Variants in HEMK2 observed in about 807,000 individuals in gnomAD.
The protein encoded by HEMK2 is HemK methyltransferase 2, ETF1 glutamine and histone H4 lysine.
chr21:28,857,124 C>A, the HEMK2 span, among the ~76,000 whole-genome samples: 2 of 152,106 alleles, frequency 1.3e-5, no homozygotes, highest in Non-Finnish European at 2.9e-5. Context: ...TATAGTTTCC[C>A]TTTTAAATTT....
the HEMK2 span, among the ~76,000 whole-genome samples, chr21:28,631,457 C>T: frequency 6.6e-6 from 1 of 152,114 alleles, no homozygotes; most frequent in Non-Finnish European, 1.5e-5. Context: ...ATATTCTAAA[C>T]CCCACCCTAA....
the HEMK2 span, among the ~76,000 whole-genome samples, chr21:28,641,279 G>GGAAGAGTAAT: frequency 6.6e-5 from 10 of 152,322 alleles, no homozygotes; most frequent in African/African-American, 2.4e-4. Context: ...GAAGAAGTCA[G>GGAAGAGTAAT]GAAGAGTAAT....
chr21:28,640,858 T>G, the HEMK2 span, among the ~76,000 whole-genome samples: 761 of 152,336 alleles, frequency 5.0e-3, 6 homozygotes, highest in African/African-American at 0.017. Context: ...CTAACTCTGG[T>G]CTGCCCTGCA....
the HEMK2 span, chr21:28,671,171 T>G: frequency 6.6e-6 from 1 of 152,206 alleles, no homozygotes; most frequent in Non-Finnish European, 1.5e-5. Context: ...CTTTGGATCT[T>G]GCCTGTGATC....
At chr21:28,755,057 C>G in the HEMK2 span, among the ~76,000 whole-genome samples, 1 of 152,098 alleles carries the variant, frequency 6.6e-6, no homozygotes, top group Non-Finnish European at 1.5e-5. Flanking sequence ...GAGGAGTGCT[C>G]TAGGCAAAGG....
At chr21:28,756,534 A>C in the HEMK2 span, among the ~76,000 whole-genome samples, 1 of 152,146 alleles carries the variant, frequency 6.6e-6, no homozygotes, top group South Asian at 2.1e-4. Flanking sequence ...ATTATAAAAC[A>C]CATTAAATAT....
chr21:28,652,430 TCCTCCCTTCCTTCCTTCCTTCCTC>T, the HEMK2 span, among the ~76,000 whole-genome samples: 1 of 151,690 alleles, frequency 6.6e-6, no homozygotes, highest in African/African-American at 2.4e-5. Context: ...TCTCTTTTCT[TCCTCCCTTCCTTCCTTCCTTCCTC>T]CCTCCCTCCC....
the HEMK2 span, among the ~76,000 whole-genome samples, chr21:28,839,983 T>C: frequency 6.6e-6 from 1 of 152,180 alleles, no homozygotes; most frequent in Non-Finnish European, 1.5e-5. Flanking sequence ...AAGGCCATAG[T>C]TACCAAAACA....
At chr21:28,699,787 T>C in the HEMK2 span, among the ~76,000 whole-genome samples, 1 of 152,238 alleles carries the variant, frequency 6.6e-6, no homozygotes, top group Non-Finnish European at 1.5e-5. Context: ...TTGTTAACAC[T>C]GTGCAAGAAC....
the HEMK2 span, among the ~76,000 whole-genome samples, chr21:28,611,665 T>G: frequency 6.6e-6 from 1 of 152,086 alleles, no homozygotes; most frequent in Non-Finnish European, 1.5e-5. Context: ...CCCAGCACTT[T>G]GGGAGGCTGA....
chr21:28,793,795 A>C, the HEMK2 span, among the ~76,000 whole-genome samples: 1 of 152,238 alleles, frequency 6.6e-6, no homozygotes, highest in Non-Finnish European at 1.5e-5. Context: ...ACAGAGAAGA[A>C]GAGAAAAAAC....
chr21:28,762,239 T>G, the HEMK2 span, among the ~76,000 whole-genome samples: 3 of 151,758 alleles, frequency 2.0e-5, no homozygotes, highest in African/African-American at 7.2e-5. Flanking sequence ...TTGGCCCAAG[T>G]TACCCACATC....
the HEMK2 span, among the ~76,000 whole-genome samples, chr21:28,723,693 G>A: frequency 5.3e-5 from 8 of 152,288 alleles, no homozygotes; most frequent in South Asian, 2.1e-4. Flanking sequence ...AATCATCCCC[G>A]CCTCATGGGA....
the HEMK2 span, among the ~76,000 whole-genome samples, chr21:28,724,160 A>G: frequency 1.3e-5 from 2 of 152,214 alleles, no homozygotes. Context: ...AGAGTTATTA[A>G]CGTGCTTTTT....
At chr21:28,865,236 A>T in the HEMK2 span, among the ~76,000 whole-genome samples, 1 of 151,948 alleles carries the variant, frequency 6.6e-6, no homozygotes, top group African/African-American at 2.4e-5. Flanking sequence ...CACAATCTCC[A>T]CTCACTGCAA....
At chr21:28,665,513 G>T in the HEMK2 span, among the ~76,000 whole-genome samples, 1 of 150,506 alleles carries the variant, frequency 6.6e-6, no homozygotes, top group Non-Finnish European at 1.5e-5. Context: ...ACACGTTAGT[G>T]GGTGCAGCGC....
chr21:28,607,605 T>C, the HEMK2 span, among the ~76,000 whole-genome samples: 1 of 152,212 alleles, frequency 6.6e-6, no homozygotes, highest in Non-Finnish European at 1.5e-5. Context: ...TTAATCTTAC[T>C]TTTTTCTTCT....
chr21:28,662,975 A>AT, the HEMK2 span, among the ~76,000 whole-genome samples: 1 of 152,126 alleles, frequency 6.6e-6, no homozygotes, highest in African/African-American at 2.4e-5. Flanking sequence ...GAGAAAAAGC[A>AT]TACCTCTGAG....
At chr21:28,814,253 T>C in the HEMK2 span, among the ~76,000 whole-genome samples, 2 of 151,990 alleles carry the variant, frequency 1.3e-5, no homozygotes, top group African/African-American at 4.8e-5. Flanking sequence ...AACACTTGAA[T>C]GTAAGACCTA....
Sources: gnomAD v4.1 joint callset for allele counts (sites outside exome capture counted in the v4.1 genomes callset) on GRCh38, gnomAD v4.1.1 for gene constraint, MANE v1.5 for transcripts, NCBI Gene and HGNC (gene_info 2026-07-23, HGNC 2026-07-21) for gene names.